The following ZBTB8A variants were observed in gnomAD, a reference collection of about 807,000 sequenced individuals.
ZBTB8A encodes zinc finger and BTB domain-containing protein 8A.
ZBTB8A carries 19 observed loss-of-function variants against 37.8 expected under a neutral mutation model. The observed-to-expected ratio is 0.50, with a 90% confidence interval of 0.35 to 0.74. The LOEUF is 0.74. Ranked by LOEUF, ZBTB8A falls within the 30% of genes least tolerant of loss-of-function variation. The pLI is 0.01. For synonymous variants in ZBTB8A, 181 were observed against 185.2 expected, an observed-to-expected ratio of 0.98 and a Z score of 0.19; for missense variants, 394 against 537.8, an observed-to-expected ratio of 0.73 and a Z score of 2.65.
At chr1:32,560,615 C>CTTTTTTTTTTTTTTTTTTTTTTT (rs1170510859) in intron 2 of ZBTB8A, among the ~76,000 whole-genome samples, 9 of 90,792 alleles carry the variant, frequency 9.9e-5, no homozygotes, top group African/African-American at 2.3e-4. Context: ...TCTTTTCTTT[C>CTTTTTTTTTTTTTTTTTTTTTTT]TTTTTTTTTT....
chr1:32,559,689 T>A (rs1355906562), intron 2 of ZBTB8A, among the ~76,000 whole-genome samples: 1 of 152,068 alleles, frequency 6.6e-6, no homozygotes, highest in Non-Finnish European at 1.5e-5. Flanking sequence ...GGTCTCCAAC[T>A]CCAGGGCTCA....
Position 32,540,836 on chromosome 1 carries a change from G to A in ZBTB8A, c.-84+1264G>A, listed in dbSNP as rs115555568. Among the ~76,000 whole-genome samples, 1,378 of 152,278 alleles carry A rather than the reference G, an allele frequency of 9.0e-3. 9 individuals carry two copies. Among genetic ancestry groups the A allele is most frequent in the Non-Finnish European group, 0.015 (996 of 68,010 alleles). On this transcript the variant is annotated intron_variant, in intron 1 of 4. Transcript: ENST00000373510. Reference sequence around the variant, plus strand: ...GGGAACCTCTCTGGCCACACAAGTGGCAACTGGGAAGTGAGAATCTGGCTT... The same window carrying A: ...GGGAACCTCTCTGGCCACACAAGTGACAACTGGGAAGTGAGAATCTGGCTT...
chr1:32,551,375 T>C (rs1325358216), intron 1 of ZBTB8A, among the ~76,000 whole-genome samples: 3 of 151,854 alleles, frequency 2.0e-5, no homozygotes, highest in African/African-American at 7.3e-5. Flanking sequence ...TGAGCCATGG[T>C]CACACCACTG....
Position 32,600,650 on chromosome 1 carries a change from G to T in ZBTB8A, c.*231G>T. On this transcript the variant is annotated 3_prime_UTR_variant, in exon 5 of 5. Coordinates refer to ENST00000373510, the MANE Select transcript of ZBTB8A (RefSeq NM_001040441.3). ...AAGAACTAGCTTGAGTTGGCTTGATGGATGAACAATTATCCTCTTACTTTC... is the reference window on the plus strand; with the variant it reads ...AAGAACTAGCTTGAGTTGGCTTGATTGATGAACAATTATCCTCTTACTTTC... The T allele has an allele frequency of 2.2e-6, 1 of 461,946 alleles. No homozygotes were observed. Among genetic ancestry groups the T allele is most frequent in the Non-Finnish European group, 3.8e-6 (1 of 259,828 alleles). 28.6% of individuals were successfully genotyped at this position (461,946 alleles called of 1,614,324 possible).
At chr1:32,557,417 G>A (rs988141859) in intron 2 of ZBTB8A, among the ~76,000 whole-genome samples, 4 of 152,124 alleles carry the variant, frequency 2.6e-5, no homozygotes, top group African/African-American at 7.2e-5. Flanking sequence ...TAAATGTATA[G>A]AAACCATCTC....
chr1:32,592,598 C>G (rs1003674694), intron 2 of ZBTB8A, among the ~76,000 whole-genome samples: 23 of 151,864 alleles, frequency 1.5e-4, no homozygotes, highest in African/African-American at 5.3e-4. Flanking sequence ...CCTCCACCTC[C>G]CAGGTTCAAG....
intron 2 of ZBTB8A, among the ~76,000 whole-genome samples, chr1:32,579,939 T>C (rs779512246): frequency 6.6e-6 from 1 of 152,212 alleles, no homozygotes; most frequent in Non-Finnish European, 1.5e-5. Flanking sequence ...TAATAACTTA[T>C]TATTTCTAAT....
Position 32,548,302 on chromosome 1 carries a change from AT to A in ZBTB8A, c.-83-5147del, listed in dbSNP as rs891465931. On this transcript the variant is annotated intron_variant, in intron 1 of 4. Coordinates refer to ENST00000373510, the MANE Select transcript of ZBTB8A (RefSeq NM_001040441.3). The stretch of plus-strand genomic sequence containing the variant: ...AATATGATGAAACCAGTCAAAAAAC[AT>A]TTTTTTTTTCTGTATCCACATTTTT... 1.6e-4 allele frequency among the ~76,000 whole-genome samples: 23 copies of A among 148,278 alleles called. 1 individual carries two copies. The highest frequency in any genetic ancestry group is 4.3e-4 in the South Asian group (2 of 4,684).
intron 2 of ZBTB8A, among the ~76,000 whole-genome samples, chr1:32,559,545 C>A (rs1291123208): frequency 3.3e-5 from 5 of 152,044 alleles, no homozygotes; most frequent in Non-Finnish European, 5.9e-5. Context: ...CTCGCTGCAG[C>A]CTCAACCTCC....
intron 2 of ZBTB8A, among the ~76,000 whole-genome samples, chr1:32,589,103 A>G (rs1008633071): frequency 2.6e-5 from 4 of 152,268 alleles, no homozygotes; most frequent in Admixed American, 1.3e-4. Context: ...AACTGTTCCA[A>G]TGAATTTTGT....
chr1:32,593,276 G>A lies in ZBTB8A; in HGVS notation c.345G>A (p.Lys115=). 6.2e-7 allele frequency: 1 copy of A among 1,614,108 alleles called. No homozygotes were observed. Among genetic ancestry groups the A allele is most frequent in the South Asian group, 1.1e-5 (1 of 91,064 alleles). ...LQMTDVISVC[K]TFIKSSLDIS... is the part of the protein sequence containing the mutation. ...TGACTGATGTCATAAGTGTATGTAA[G>A]ACTTTTATTAAATCTTCCTTAGACA... The change falls in exon 3 of 5, where the codon AAG becomes AAA. Residue 115 remains lysine (K), a synonymous_variant. Coordinates refer to ENST00000373510, the MANE Select transcript of ZBTB8A (RefSeq NM_001040441.3).
rs112082314 is a variant in ZBTB8A at position 32,574,588 on chromosome 1, C to T, written c.-1-18343C>T. ...CTCCAGACTGAAAGACAGAGCAAGACCCTGTCTCTAAAATTAAAAAATAAA... is the reference window on the plus strand; with the variant it reads ...CTCCAGACTGAAAGACAGAGCAAGATCCTGTCTCTAAAATTAAAAAATAAA... On this transcript the variant is annotated intron_variant, in intron 2 of 4. Transcript: ENST00000373510. Among the ~76,000 whole-genome samples the T allele has an allele frequency of 8.7e-4, 133 of 152,064 alleles. 1 individual carries two copies. Among genetic ancestry groups the T allele is most frequent in the African/African-American group, 3.1e-3 (127 of 41,490 alleles).
chr1:32,566,862 A>T (rs1416223111), intron 2 of ZBTB8A, among the ~76,000 whole-genome samples: 1 of 152,220 alleles, frequency 6.6e-6, no homozygotes, highest in Non-Finnish European at 1.5e-5. Flanking sequence ...AGGCATCAAA[A>T]GCAGTAAGAT....
At chr1:32,545,544 G>A (rs1644096225) in intron 1 of ZBTB8A, among the ~76,000 whole-genome samples, 1 of 152,138 alleles carries the variant, frequency 6.6e-6, no homozygotes, top group Admixed American at 6.6e-5. Flanking sequence ...CTATAATCCT[G>A]TGTTTCTTCT....
chr1:32,588,385 G>C (rs956001965), intron 2 of ZBTB8A, among the ~76,000 whole-genome samples: 6 of 151,954 alleles, frequency 3.9e-5, no homozygotes, highest in Non-Finnish European at 8.8e-5. Context: ...TTGCTTGCTT[G>C]GTGCTTGAAA....
chr1:32,566,153 G>T (rs1017024170), intron 2 of ZBTB8A, among the ~76,000 whole-genome samples: 11 of 148,286 alleles, frequency 7.4e-5, no homozygotes, highest in Non-Finnish European at 1.5e-4. Context: ...AGTGAGCCAA[G>T]ATCGTGCCAT....
chr1:32,581,128 T>C (rs1250919242), intron 2 of ZBTB8A, among the ~76,000 whole-genome samples: 1 of 15,474 alleles, frequency 6.5e-5, no homozygotes, highest in Non-Finnish European at 1.4e-4. Flanking sequence ...TATATATAAC[T>C]ATATTATATA....
At chr1:32,571,926 C>T (rs1049554629) in intron 2 of ZBTB8A, among the ~76,000 whole-genome samples, 67 of 151,836 alleles carry the variant, frequency 4.4e-4, no homozygotes, top group Admixed American at 9.9e-4. Flanking sequence ...TTTTTTGAGA[C>T]GGAATCTCAT....
At chr1:32,594,759 C>CT (rs1224949065) in intron 3 of ZBTB8A, among the ~76,000 whole-genome samples, 6 of 146,488 alleles carry the variant, frequency 4.1e-5, no homozygotes, top group Non-Finnish European at 6.0e-5. Context: ...GAGCGAAACT[C>CT]TATCTCAAAA....
Sources: allele counts gnomAD v4.1 joint callset (sites outside exome capture counted in the v4.1 genomes callset), GRCh38; gene constraint gnomAD v4.1.1; transcripts MANE v1.5; gene names NCBI Gene and HGNC (gene_info 2026-07-23, HGNC 2026-07-21).